The following COG6 variants were observed in gnomAD, a reference collection of about 807,000 sequenced individuals.
COG6 encodes conserved oligomeric Golgi complex subunit 6.
In COG6, 74 loss-of-function variants were observed where a neutral mutation model predicts 88.8. That is an observed-to-expected ratio of 0.83 (90% CI 0.69 to 1.01). COG6 has a LOEUF of 1.01. Among genes scored for constraint, COG6 ranks in the 50% least tolerant of loss-of-function variants. The probability of loss-of-function intolerance (pLI) is 0.00; values close to 1 mark genes in which losing one functional copy is unlikely to be tolerated. For missense variants in COG6, 800 were observed against 797.9 expected, an observed-to-expected ratio of 1.00 and a Z score of -0.03; for synonymous variants, 286 against 278.7, an observed-to-expected ratio of 1.03 and a Z score of -0.26.
rs140695921 is a variant in COG6 at position 39,746,091 on chromosome 13, G to A, written c.1827-4855G>A. On this transcript the variant is annotated intron_variant, in intron 18 of 18. Coordinates refer to ENST00000455146, the MANE Select transcript of COG6 (RefSeq NM_020751.3). ...CACCCTGGGGCCTGTCATGGGGTGG[G>A]GAGTAGGGGAGGGATAGCATTAGGA... Among the ~76,000 whole-genome samples the A allele has an allele frequency of 2.3e-3, 343 of 152,090 alleles. 5 individuals carry two copies. Among genetic ancestry groups the A allele is most frequent in the African/African-American group, 8.0e-3 (333 of 41,492 alleles).
intron 6 of COG6, 172 bp from the exon 7 acceptor site, chr13:39,679,803 A>G (rs1322417379): frequency 2.9e-6 from 2 of 680,430 alleles, no homozygotes; most frequent in Non-Finnish European, 2.7e-6. Flanking sequence ...TTGATAAATA[A>G]GTGATGGTTA....
Position 39,655,874 on chromosome 13 carries a change from G to C in COG6, c.148G>C (p.Asp50His). The change falls in exon 1 of 19, where the codon GAC becomes CAC. Residue 50 changes from aspartate (D) to histidine (H), a missense_variant. Coordinates refer to ENST00000455146, the MANE Select transcript of COG6 (RefSeq NM_020751.3). Reference sequence around the variant, plus strand: ...GATCCTGGAGACGCGGCTGGACAACGACAAGGTAACCGGGGCTGGCGGGGC... The same window carrying C: ...GATCCTGGAGACGCGGCTGGACAACCACAAGGTAACCGGGGCTGGCGGGGC... ...HKILETRLDN[D>H]KEMLEALKAL... 6.2e-7 allele frequency: 1 copy of C among 1,606,974 alleles called. No individual in the cohort carries two copies. Among genetic ancestry groups the C allele is most frequent in the Non-Finnish European group, 8.5e-7 (1 of 1,177,816 alleles).
chr13:39,754,377 A>G (rs1276188586), downstream of COG6, among the ~76,000 whole-genome samples: 1 of 152,212 alleles, frequency 6.6e-6, no homozygotes, highest in Non-Finnish European at 1.5e-5. Flanking sequence ...TCAGAATAAT[A>G]TAATACTAAT....
intron 8 of COG6, chr13:39,682,475 C>A: frequency 2.1e-6 from 1 of 482,918 alleles, no homozygotes; most frequent in Non-Finnish European, 3.7e-6. Flanking sequence ...GAAAGAGAAA[C>A]CAAAGTGTCT....
Position 39,727,380 on chromosome 13 carries a change from G to T in COG6, c.1747-89G>T, listed in dbSNP as rs112315772. The T allele has an allele frequency of 3.5e-4, 341 of 978,870 alleles. 1 individual carries two copies. In the African/African-American group the frequency reaches 4.6e-3, roughly 13 times the overall value. The allele number at this position is 978,870 out of a possible 1,614,324, so 60.6% of individuals were successfully genotyped here. On this transcript the variant is annotated intron_variant, in intron 17 of 18. Coordinates refer to ENST00000455146, the MANE Select transcript of COG6 (RefSeq NM_020751.3). ...TTTAGAGTATGGAATTTTTCTCAAGGATTTAATTCTTAAAAGAGATGTTTA... is the reference window on the plus strand; with the variant it reads ...TTTAGAGTATGGAATTTTTCTCAAGTATTTAATTCTTAAAAGAGATGTTTA...
In COG6 at chr13:39,730,496, C is replaced by T. The variant is rs1025044429; in HGVS notation, c.1826+2948C>T. 3.3e-5 allele frequency among the ~76,000 whole-genome samples: 5 copies of T among 151,824 alleles called. No homozygotes were observed. In the East Asian group the frequency reaches 7.8e-4, roughly 24 times the overall value. On this transcript the variant is annotated intron_variant, in intron 18 of 18. Coordinates refer to ENST00000455146, the MANE Select transcript of COG6 (RefSeq NM_020751.3). ...ATTTAAGATTTAACGTCAGGCCGGG[C>T]GTGGTGGTTCACTGAATGCCTGTAA...
chr13:39,779,009 A>C (rs546487374), intron 18 of COG6, among the ~76,000 whole-genome samples: 2 of 152,244 alleles, frequency 1.3e-5, no homozygotes, highest in Non-Finnish European at 2.9e-5. Context: ...GTCTGGTTCA[A>C]ATCAAGGGAG....
chr13:39,738,008 C>T (rs961269916), intron 18 of COG6, among the ~76,000 whole-genome samples: 10 of 152,118 alleles, frequency 6.6e-5, no homozygotes, highest in Admixed American at 1.3e-4. Flanking sequence ...ATTCTCTCTC[C>T]GCGCCATGCT....
chr13:39,787,337 G>A (rs554851110), intron 18 of COG6, among the ~76,000 whole-genome samples: 2 of 152,248 alleles, frequency 1.3e-5, no homozygotes, highest in East Asian at 3.9e-4. Context: ...TTAACTGCAT[G>A]CTTTAGCATT....
intron 3 of COG6, among the ~76,000 whole-genome samples, chr13:39,663,864 G>A (rs1298961505): frequency 6.7e-6 from 1 of 150,110 alleles, no homozygotes; most frequent in African/African-American, 2.5e-5. Context: ...CTCCAGGCTG[G>A]GTGACAGAGT....
intron 8 of COG6, among the ~76,000 whole-genome samples, chr13:39,686,313 T>C (rs1173077662): frequency 2.0e-5 from 3 of 152,186 alleles, no homozygotes; most frequent in East Asian, 1.9e-4. Flanking sequence ...GAACTTTCAA[T>C]TGAGGGATGG....
At chr13:39,693,695 T>A (rs1484459264) in intron 11 of COG6, among the ~76,000 whole-genome samples, 2 of 151,992 alleles carry the variant, frequency 1.3e-5, no homozygotes, top group Non-Finnish European at 2.9e-5. Context: ...AATTGATTTC[T>A]GTAATCTAAG....
intron 12 of COG6, among the ~76,000 whole-genome samples, chr13:39,696,059 A>G (rs1877254624): frequency 6.6e-6 from 1 of 152,022 alleles, no homozygotes. Context: ...TGCTGGAAAT[A>G]AAATAATTCA....
intron 13 of COG6, among the ~76,000 whole-genome samples, chr13:39,715,222 A>G (rs1214869070): frequency 6.6e-6 from 1 of 151,772 alleles, no homozygotes; most frequent in African/African-American, 2.4e-5. Flanking sequence ...AAAAATTTTT[A>G]AAGATTTATT....
At chr13:39,724,290 G>A (rs1383752845) in intron 16 of COG6, among the ~76,000 whole-genome samples, 5 of 151,878 alleles carry the variant, frequency 3.3e-5, no homozygotes, top group Admixed American at 6.6e-5. Context: ...TGATATTTCT[G>A]TTGTTAATAA....
chr13:39,678,571 CT>C (rs1309563937), intron 5 of COG6, among the ~76,000 whole-genome samples: 2 of 151,070 alleles, frequency 1.3e-5, no homozygotes, highest in Non-Finnish European at 3.0e-5. Context: ...AGTTTCGTTT[CT>C]TTTTTTTTCC....
intron 18 of COG6, among the ~76,000 whole-genome samples, chr13:39,733,052 C>G (rs1307295465): frequency 6.6e-6 from 1 of 150,874 alleles, no homozygotes; most frequent in Admixed American, 6.6e-5. Flanking sequence ...ATAAAAACGT[C>G]AACTTTAAAT....
downstream of COG6, among the ~76,000 whole-genome samples, chr13:39,756,146 TA>T (rs1481930791): frequency 1.3e-5 from 2 of 152,148 alleles, no homozygotes; most frequent in Non-Finnish European, 1.5e-5. Flanking sequence ...GATACAATTA[TA>T]AAAAGGAAGT....
intron 18 of COG6, among the ~76,000 whole-genome samples, chr13:39,781,271 T>C (rs1202206806): frequency 3.3e-5 from 5 of 152,170 alleles, no homozygotes; most frequent in Admixed American, 1.3e-4. Context: ...TGGAGGACTC[T>C]TTTTTGGCAA....
Sources: gnomAD v4.1 joint callset for allele counts (sites outside exome capture counted in the v4.1 genomes callset) on GRCh38, gnomAD v4.1.1 for gene constraint, MANE v1.5 for transcripts, NCBI Gene and HGNC (gene_info 2026-07-23, HGNC 2026-07-21) for gene names.